The following CCDC141 variants were observed in gnomAD, a reference collection of about 807,000 sequenced individuals.
CCDC141 encodes coiled-coil domain-containing protein 141.
In CCDC141, 168 loss-of-function variants were observed where a neutral mutation model predicts 181.0. The ratio of observed to expected loss-of-function variants is 0.93; its 90% CI spans 0.82 to 1.05. The LOEUF is 1.05. Among genes scored for constraint, CCDC141 ranks in the 50% least tolerant of loss-of-function variants. The probability of loss-of-function intolerance (pLI) is 0.00; values close to 1 mark genes in which losing one functional copy is unlikely to be tolerated. For synonymous variants in CCDC141, 666 were observed against 642.3 expected, an observed-to-expected ratio of 1.04 and a Z score of -0.56; for missense variants, 1,902 against 1,788.5, an observed-to-expected ratio of 1.06 and a Z score of -1.14.
chr2:178,977,075 CAGTTT>C (rs1691153013), intron 3 of CCDC141, among the ~76,000 whole-genome samples: 1 of 152,082 alleles, frequency 6.6e-6, no homozygotes, highest in South Asian at 2.1e-4. Context: ...AGTTTGTCTT[CAGTTT>C]AGTATGAAGT....
At chr2:178,948,650 C>T (rs968881564) in intron 5 of CCDC141, among the ~76,000 whole-genome samples, 4 of 152,010 alleles carry the variant, frequency 2.6e-5, no homozygotes, top group East Asian at 1.9e-4. Flanking sequence ...AGGAGCGGAC[C>T]CCTCATGAAT....
chr2:178,949,189 C>CT (rs1213287552), intron 5 of CCDC141, among the ~76,000 whole-genome samples: 5 of 151,414 alleles, frequency 3.3e-5, no homozygotes, highest in African/African-American at 9.7e-5. Flanking sequence ...AGAAGGACTC[C>CT]TTTTTTTTTC....
At chr2:178,828,094 A>G (rs1684151640), downstream of CCDC141, among the ~76,000 whole-genome samples, 1 of 151,924 alleles carries the variant, frequency 6.6e-6, no homozygotes, top group Non-Finnish European at 1.5e-5. Flanking sequence ...CCCTTTAAAG[A>G]CACCAGGAAA....
At chr2:178,966,771 G>A (rs1371685101) in intron 4 of CCDC141, among the ~76,000 whole-genome samples, 3 of 151,976 alleles carry the variant, frequency 2.0e-5, no homozygotes, top group African/African-American at 7.3e-5. Flanking sequence ...GAAAGAAGTA[G>A]GCTTCAGAAG....
At chr2:178,954,554 T>C (rs1401502246) in intron 5 of CCDC141, among the ~76,000 whole-genome samples, 2 of 152,380 alleles carry the variant, frequency 1.3e-5, no homozygotes, top group South Asian at 2.1e-4. Context: ...GAGAATTAGC[T>C]GAACTATTTT....
At chr2:179,041,141 G>A (rs949771714) in intron 2 of CCDC141, among the ~76,000 whole-genome samples, 4 of 151,902 alleles carry the variant, frequency 2.6e-5, no homozygotes, top group East Asian at 3.9e-4. Context: ...GTGCGATCTC[G>A]GCTCACTGCA....
At chr2:178,977,941 T>C (rs1691197017) in intron 3 of CCDC141, among the ~76,000 whole-genome samples, 1 of 152,220 alleles carries the variant, frequency 6.6e-6, no homozygotes, top group Non-Finnish European at 1.5e-5. Context: ...GGAGGACTTT[T>C]TCCTTCTCTT....
At position 178,832,089 on chromosome 2, in the gene CCDC141, A is replaced by G. The variant is rs1450375231; in HGVS notation, c.*2084T>C. 1 of 152,200 alleles carries G rather than the reference A, an allele frequency of 6.6e-6. No homozygotes were observed. The highest frequency in any genetic ancestry group is 1.9e-4 in the East Asian group (1 of 5,198). The allele number at this position is 152,200 out of a possible 1,614,324, so 9.4% of individuals were successfully genotyped here. A position where few individuals can be genotyped will look rare whatever the true frequency, so the allele number is the denominator to read the frequency against. The stretch of plus-strand genomic sequence containing the variant: ...TCCTGCCAAATTAATAAGAAAGAGA[A>G]AGTGGGAAGAGAGACAGTTTGTTAC... On this transcript the variant is annotated 3_prime_UTR_variant, in exon 24 of 24. Coordinates refer to ENST00000443758, the MANE Select transcript of CCDC141 (RefSeq NM_173648.4).
intron 5 of CCDC141, among the ~76,000 whole-genome samples, chr2:178,949,187 T>C (rs909091062): frequency 5.9e-5 from 9 of 152,160 alleles, no homozygotes; most frequent in Non-Finnish European, 1.0e-4. Context: ...AAAGAAGGAC[T>C]CCTTTTTTTT....
chr2:179,036,867 C>T (rs1244919477), intron 2 of CCDC141, among the ~76,000 whole-genome samples: 2 of 152,236 alleles, frequency 1.3e-5, no homozygotes, highest in African/African-American at 4.8e-5. Flanking sequence ...ATTGATCTCA[C>T]TCCTTTCTCT....
intron 8 of CCDC141, among the ~76,000 whole-genome samples, chr2:178,896,748 G>T (rs955173248): frequency 2.0e-5 from 3 of 152,078 alleles, no homozygotes; most frequent in African/African-American, 7.2e-5. Flanking sequence ...AGTGTGACAG[G>T]CAATAGGGCA....
At chr2:178,944,471 A>AGT (rs1475709847) in intron 6 of CCDC141, 64 bp downstream of exon 6, 7 of 682,672 alleles carry the variant, frequency 1.0e-5, no homozygotes, top group Non-Finnish European at 1.4e-5. Flanking sequence ...TACCCACAGA[A>AGT]GTATATTCAA....
chr2:178,868,867 C>G (rs12618871), intron 15 of CCDC141, among the ~76,000 whole-genome samples: 1 of 151,748 alleles, frequency 6.6e-6, no homozygotes, highest in Non-Finnish European at 1.5e-5. Context: ...ACAGACTTGT[C>G]AAATAATGGC....
At chr2:178,996,840 A>G (rs1692310536) in intron 2 of CCDC141, among the ~76,000 whole-genome samples, 1 of 152,206 alleles carries the variant, frequency 6.6e-6, no homozygotes, top group South Asian at 2.1e-4. Context: ...AAGTCAGCAG[A>G]CATTCTGCTT....
At chr2:178,972,594 T>C (rs927275600) in intron 4 of CCDC141, among the ~76,000 whole-genome samples, 1 of 152,104 alleles carries the variant, frequency 6.6e-6, no homozygotes, top group Non-Finnish European at 1.5e-5. Context: ...TCTCACGAGG[T>C]TATGGGTTCA....
intron 7 of CCDC141, among the ~76,000 whole-genome samples, chr2:178,907,251 T>G (rs1688011964): frequency 6.6e-6 from 1 of 152,188 alleles, no homozygotes; most frequent in East Asian, 1.9e-4. Flanking sequence ...AGTAAGAAAT[T>G]ATCCCCATTA....
At chr2:179,001,271 T>A (rs2041965215) in intron 2 of CCDC141, among the ~76,000 whole-genome samples, 1 of 152,240 alleles carries the variant, frequency 6.6e-6, no homozygotes. Context: ...ACAGTATATT[T>A]GTGAACTCTT....
At chr2:178,887,237 C>T (rs183540413) in intron 9 of CCDC141, among the ~76,000 whole-genome samples, 1 of 152,178 alleles carries the variant, frequency 6.6e-6, no homozygotes, top group East Asian at 1.9e-4. Flanking sequence ...TTGAATAGGA[C>T]CCAATTTACA....
chr2:178,903,397 C>T (rs1352822065), intron 8 of CCDC141, among the ~76,000 whole-genome samples: 3 of 151,926 alleles, frequency 2.0e-5, no homozygotes, highest in African/African-American at 7.3e-5. Flanking sequence ...GAAAATGTGG[C>T]ACATATACAC....
Sources: gnomAD v4.1 joint callset for allele counts (sites outside exome capture counted in the v4.1 genomes callset) on GRCh38, gnomAD v4.1.1 for gene constraint, MANE v1.5 for transcripts, NCBI Gene and HGNC (gene_info 2026-07-23, HGNC 2026-07-21) for gene names.